TRPS1: variants seen among roughly 807,000 people sequenced by gnomAD.
TRPS1 encodes zinc finger transcription factor Trps1.
TRPS1 carries 6 observed loss-of-function variants against 101.2 expected under a neutral mutation model. The observed-to-expected ratio is 0.06, with a 90% CI of 0.03 to 0.12. TRPS1 has a LOEUF of 0.12. Among genes scored for constraint, TRPS1 ranks in the 10% least tolerant of loss-of-function variants. TRPS1 has a pLI of 1.00. For synonymous variants in TRPS1, 578 were observed against 589.8 expected (o/e 0.98, Z 0.29); for missense variants, 1,363 against 1,567.0 (o/e 0.87, Z 2.20).
Position 115,638,898 on chromosome 8 carries a change from G to A in TRPS1, c.-121-15140C>T, listed in dbSNP as rs983222305. ...TACTGAAATAGATTGTAAATGCAATGTGCTATAATTTCTTATATTCCTCCT... is the reference window on the plus strand; with the variant it reads ...TACTGAAATAGATTGTAAATGCAATATGCTATAATTTCTTATATTCCTCCT... On this transcript the variant is annotated intron_variant, in intron 1 of 6. Coordinates refer to ENST00000395715, the MANE Select transcript of TRPS1 (RefSeq NM_014112.5). Among the ~76,000 whole-genome samples the A allele has an allele frequency of 4.6e-5, 7 of 152,054 alleles. No homozygotes were observed. The East Asian group carries it at 1.3e-3, about 29-fold the overall frequency.
intron 5 of TRPS1, among the ~76,000 whole-genome samples, chr8:115,570,570 G>C (rs769117292): frequency 1.3e-5 from 2 of 151,808 alleles, no homozygotes; most frequent in African/African-American, 2.4e-5. Context: ...TTTGCAAATG[G>C]ATAAATTAAA....
At chr8:115,588,608 A>G (rs1817618245) in intron 4 of TRPS1, among the ~76,000 whole-genome samples, 1 of 152,252 alleles carries the variant, frequency 6.6e-6, no homozygotes. Context: ...TGTAAAAAGC[A>G]TACCCGAAAG....
At position 115,619,116 on chromosome 8, in the gene TRPS1, A is replaced by T; in HGVS notation, c.966+16T>A. 2.5e-6 allele frequency: 4 copies of T among 1,613,546 alleles called. No individual in the cohort carries two copies. The highest frequency in any genetic ancestry group is 2.2e-5 in the East Asian group (1 of 44,830). ...AATAACTTTTTCTGTACAAAGAGAC[A>T]ATACAAAGTACAAACCTGCACATCA... On this transcript the variant is annotated intron_variant, in intron 3 of 6. Coordinates refer to ENST00000395715, the MANE Select transcript of TRPS1 (RefSeq NM_014112.5).
At chr8:115,573,575 C>T (rs1043477514) in intron 5 of TRPS1, among the ~76,000 whole-genome samples, 54 of 152,138 alleles carry the variant, frequency 3.5e-4, no homozygotes, top group Non-Finnish European at 1.8e-4. Flanking sequence ...AATGAGTCTT[C>T]GTCACCTCAA....
At chr8:115,446,122 G>A (rs192617826) in intron 5 of TRPS1, among the ~76,000 whole-genome samples, 2 of 152,052 alleles carry the variant, frequency 1.3e-5, no homozygotes, top group East Asian at 3.9e-4. Context: ...TATATGGACT[G>A]CTGTTTGTTT....
intron 5 of TRPS1, among the ~76,000 whole-genome samples, chr8:115,497,331 G>A (rs1350275671): frequency 2.6e-5 from 4 of 152,146 alleles, no homozygotes; most frequent in South Asian, 2.1e-4. Context: ...TCTCCTATGC[G>A]AATCTAAGGC....
At chr8:115,642,221 G>GA (rs1192863124) in intron 1 of TRPS1, among the ~76,000 whole-genome samples, 378 of 22,300 alleles carry the variant, frequency 0.017, 1 homozygote, top group Admixed American at 0.03. Context: ...CTCAAAAAAA[G>GA]AAAAAAAAAA....
intron 3 of TRPS1, among the ~76,000 whole-genome samples, chr8:115,609,257 A>G (rs187034363): frequency 1.3e-5 from 2 of 152,246 alleles, no homozygotes; most frequent in East Asian, 3.9e-4. Flanking sequence ...ATTCAAGTAA[A>G]TTTTTCCTGC....
Position 115,619,804 on chromosome 8 carries a change from G to A in TRPS1, c.294C>T (p.Gly98=). The A allele has an allele frequency of 1.2e-6, 2 of 1,614,196 alleles. No individual in the cohort carries two copies. Among genetic ancestry groups the A allele is most frequent in the Non-Finnish European group, 1.7e-6 (2 of 1,180,046 alleles). ...CCTTACTGGGGCTTTCATAATTGAA[G>A]CCAGCCTTCTCACTCAGAACTGCGC... ...LKSAVLSEKA[G]FNYESPSKGG... Residue 98 remains glycine (G), a synonymous_variant, in exon 3 of 7, where the codon GGC becomes GGT. Coordinates refer to ENST00000395715, the MANE Select transcript of TRPS1 (RefSeq NM_014112.5).
At chr8:115,618,712 C>T (rs1586463310) in intron 3 of TRPS1, among the ~76,000 whole-genome samples, 1 of 152,102 alleles carries the variant, frequency 6.6e-6, no homozygotes, top group East Asian at 1.9e-4. Context: ...ATCCAAGATA[C>T]AGGAAATATC....
intron 5 of TRPS1, among the ~76,000 whole-genome samples, chr8:115,430,279 A>G (rs1180805968): frequency 6.6e-6 from 1 of 152,182 alleles, no homozygotes; most frequent in African/African-American, 2.4e-5. Flanking sequence ...CTGGATTCCA[A>G]TTATTTTCAT....
intron 1 of TRPS1, among the ~76,000 whole-genome samples, chr8:115,635,440 T>C (rs1339424799): frequency 6.6e-6 from 1 of 152,210 alleles, no homozygotes; most frequent in Non-Finnish European, 1.5e-5. Flanking sequence ...CATTTATTCA[T>C]TCAACATAGT....
In TRPS1 at chr8:115,619,611, T is replaced by C; in HGVS notation, c.487A>G (p.Thr163Ala). 6.2e-7 allele frequency: 1 copy of C among 1,614,188 alleles called. No homozygotes were observed. ...GGTGACATCTTCTGATCTTCCTTTG[T>C]CTCCAGTGAGTCCCCTGAGGGGGTG... ...ACTPSGDSLETKEDQKMSPKA... is the reference protein window; with the variant it reads ...ACTPSGDSLEAKEDQKMSPKA... Residue 163 changes from threonine (T) to alanine (A), a missense_variant, in exon 3 of 7, where the codon ACA (threonine) becomes GCA (alanine). Thr to Ala is a moderately conservative substitution (Grantham distance 58). Around this residue, in one of 5 missense-constraint regions of TRPS1, gnomAD observed 1,020 missense variants for 1,073.0 expected, o/e 0.95. Transcript: ENST00000395715.
At chr8:115,452,655 AG>A (rs1265478423) in intron 5 of TRPS1, among the ~76,000 whole-genome samples, 1 of 152,206 alleles carries the variant, frequency 6.6e-6, no homozygotes, top group Non-Finnish European at 1.5e-5. Flanking sequence ...TGAAATACAA[AG>A]GAACTTCCAA....
intron 5 of TRPS1, among the ~76,000 whole-genome samples, chr8:115,452,518 T>C (rs1258969285): frequency 6.6e-6 from 1 of 152,190 alleles, no homozygotes; most frequent in African/African-American, 2.4e-5. Context: ...ATTAATTCTG[T>C]CCCATAATTG....
At chr8:115,648,026 T>A (rs1207841502) in intron 1 of TRPS1, among the ~76,000 whole-genome samples, 1 of 152,030 alleles carries the variant, frequency 6.6e-6, no homozygotes, top group African/African-American at 2.4e-5. Flanking sequence ...TGAATAAGAT[T>A]TAAGGATGAG....
At chr8:115,461,932 C>A (rs781495951) in intron 5 of TRPS1, among the ~76,000 whole-genome samples, 2 of 151,820 alleles carry the variant, frequency 1.3e-5, no homozygotes, top group Non-Finnish European at 2.9e-5. Context: ...AAAAAAAGAA[C>A]AAACAACACA....
At chr8:115,564,800 T>C (rs1051115293) in intron 5 of TRPS1, among the ~76,000 whole-genome samples, 21 of 152,132 alleles carry the variant, frequency 1.4e-4, no homozygotes, top group African/African-American at 4.6e-4. Flanking sequence ...AGGAGTTGCT[T>C]ACATAGTTGT....
intron 5 of TRPS1, among the ~76,000 whole-genome samples, chr8:115,444,640 G>A (rs1052348452): frequency 4.6e-5 from 7 of 152,144 alleles, no homozygotes; most frequent in Admixed American, 2.6e-4. Flanking sequence ...TTTTGGGGGA[G>A]TCTCCCCAGT....
Sources: gnomAD v4.1 joint callset for allele counts (sites outside exome capture counted in the v4.1 genomes callset) on GRCh38, gnomAD v4.1.1 for gene constraint, gnomAD v4.1.1 regional missense constraint, MANE v1.5 for transcripts, NCBI Gene and HGNC (gene_info 2026-07-23, HGNC 2026-07-21) for gene names.